The following TENM2 variants were observed in gnomAD, a reference collection of about 807,000 sequenced individuals.
The protein encoded by TENM2 is teneurin transmembrane protein 2, also known as teneurin-2.
A neutral mutation model predicts 245.2 loss-of-function variants in TENM2; 52 were observed. That is an observed-to-expected ratio of 0.21 (90% CI 0.17 to 0.27). The LOEUF is 0.27. Ranked by LOEUF, TENM2 falls within the 10% of genes least tolerant of loss-of-function variation. TENM2 has a pLI of 1.00. For missense variants in TENM2, 3,046 were observed against 3,666.8 expected (o/e 0.83, Z 4.37); for synonymous variants, 1,363 against 1,438.9 (o/e 0.95, Z 1.19).
intron 2 of TENM2, among the ~76,000 whole-genome samples, chr5:167,675,077 A>G (rs1430150088): frequency 1.3e-5 from 2 of 152,132 alleles, no homozygotes; most frequent in African/African-American, 4.8e-5. Flanking sequence ...AAAGAAACAC[A>G]TCACCCCAGG....
intron 15 of TENM2, 126 bp downstream of exon 17, chr5:168,195,421 C>G: frequency 1.8e-6 from 2 of 1,100,786 alleles, no homozygotes; most frequent in Non-Finnish European, 2.6e-6. Context: ...AGGCCTGTCC[C>G]CTAGTGAGGA....
chr5:167,637,844 G>C (rs1230084029), intron 2 of TENM2, among the ~76,000 whole-genome samples: 1 of 151,924 alleles, frequency 6.6e-6, no homozygotes, highest in Non-Finnish European at 1.5e-5. Context: ...GAAAGCATTA[G>C]GACAAATACC....
intron 2 of TENM2, among the ~76,000 whole-genome samples, chr5:167,587,848 T>C (rs1775609258): frequency 6.6e-6 from 1 of 152,242 alleles, no homozygotes; most frequent in Non-Finnish European, 1.5e-5. Context: ...CCTTTTTATA[T>C]GTCAGAAAGC....
intron 5 of TENM2, among the ~76,000 whole-genome samples, chr5:168,009,824 G>A (rs1473049493): frequency 6.6e-6 from 1 of 152,184 alleles, no homozygotes; most frequent in Non-Finnish European, 1.5e-5. Flanking sequence ...AGAGTGGCAG[G>A]AGCTAAGGCT....
At chr5:167,070,132 T>TATTTATTTATTTATTTATTTA in the TENM2 span, among the ~76,000 whole-genome samples, 61 of 150,306 alleles carry the variant, frequency 4.1e-4, no homozygotes, top group South Asian at 6.3e-4. Flanking sequence ...TTTATTTATT[T>TATTTATTTATTTATTTATTTA]TTTGAGACAG....
At chr5:167,843,373 A>G (rs1200737120) in intron 2 of TENM2, among the ~76,000 whole-genome samples, 1 of 152,228 alleles carries the variant, frequency 6.6e-6, no homozygotes, top group African/African-American at 2.4e-5. Flanking sequence ...TGTGTCTTAC[A>G]TATACATAGT....
At chr5:167,658,979 T>C (rs1755029672) in intron 2 of TENM2, among the ~76,000 whole-genome samples, 1 of 152,224 alleles carries the variant, frequency 6.6e-6, no homozygotes, top group Non-Finnish European at 1.5e-5. Context: ...AATAAAGCCA[T>C]TCTATACATG....
At chr5:167,386,872 C>T (rs1320868604) in intron 2 of TENM2, among the ~76,000 whole-genome samples, 7 of 151,976 alleles carry the variant, frequency 4.6e-5, no homozygotes, top group African/African-American at 1.7e-4. Flanking sequence ...TTTTATATAC[C>T]TATTTTTATA....
intron 12 of TENM2, among the ~76,000 whole-genome samples, chr5:168,144,212 G>T (rs1392973360): frequency 6.6e-6 from 1 of 151,662 alleles, no homozygotes; most frequent in Non-Finnish European, 1.5e-5. Context: ...TAAGTTTTAG[G>T]GTACATGTGC....
intron 2 of TENM2, among the ~76,000 whole-genome samples, chr5:167,657,232 G>A (rs538654620): frequency 7.2e-5 from 11 of 152,250 alleles, no homozygotes; most frequent in African/African-American, 2.2e-4. Context: ...GGAATGCGAC[G>A]TTTAACTTTC....
the TENM2 span, among the ~76,000 whole-genome samples, chr5:167,022,123 T>C: frequency 6.6e-6 from 1 of 152,222 alleles, no homozygotes; most frequent in Non-Finnish European, 1.5e-5. Context: ...AACTTACCTC[T>C]GTAAGTTAGA....
chr5:167,776,933 CA>C (rs1349028635), intron 2 of TENM2, among the ~76,000 whole-genome samples: 2 of 152,122 alleles, frequency 1.3e-5, no homozygotes, highest in African/African-American at 4.8e-5. Flanking sequence ...AATTTGCATG[CA>C]TTGAATGTTT....
intron 3 of TENM2, among the ~76,000 whole-genome samples, chr5:167,885,534 C>T (rs914374151): frequency 3.3e-5 from 5 of 152,088 alleles, no homozygotes; most frequent in Non-Finnish European, 7.3e-5. Flanking sequence ...AACCCAAGCA[C>T]GAGGCCACTC....
At chr5:167,443,832 C>T (rs1765002225) in intron 2 of TENM2, among the ~76,000 whole-genome samples, 1 of 152,038 alleles carries the variant, frequency 6.6e-6, no homozygotes. Flanking sequence ...CACAGTAACT[C>T]TTTAACTTTT....
chr5:168,136,382 A>G (rs1370354322), intron 12 of TENM2, among the ~76,000 whole-genome samples: 1 of 152,128 alleles, frequency 6.6e-6, no homozygotes, highest in Non-Finnish European at 1.5e-5. Flanking sequence ...ATCTGATTTT[A>G]CAAGCTTAGT....
chr5:167,828,053 G>C (rs7725488), intron 2 of TENM2, among the ~76,000 whole-genome samples: 12,059 of 152,180 alleles, frequency 0.079, 572 homozygotes, highest in African/African-American at 0.12. Flanking sequence ...CATTTATTTT[G>C]CAACCACTTC....
the TENM2 span, among the ~76,000 whole-genome samples, chr5:167,261,446 C>T: frequency 1.6e-4 from 25 of 152,218 alleles, no homozygotes; most frequent in East Asian, 7.7e-4. Flanking sequence ...CAGATTCTGA[C>T]GCAAAGTAAC....
intron 24 of TENM2, among the ~76,000 whole-genome samples, chr5:168,227,588 T>C (rs977936544): frequency 9.9e-5 from 15 of 151,506 alleles, no homozygotes; most frequent in African/African-American, 3.6e-4. Context: ...TTGACACAAA[T>C]TGTGTAGGCA....
At chr5:168,205,532 G>A (rs1762285571) in intron 19 of TENM2, among the ~76,000 whole-genome samples, 1 of 152,202 alleles carries the variant, frequency 6.6e-6, no homozygotes, top group Non-Finnish European at 1.5e-5. Flanking sequence ...GAATTAGTTG[G>A]AGAAACCTCT....
Sources: allele counts gnomAD v4.1 joint callset (sites outside exome capture counted in the v4.1 genomes callset), GRCh38; gene constraint gnomAD v4.1.1; transcripts MANE v1.5; gene names NCBI Gene and HGNC (gene_info 2026-07-23, HGNC 2026-07-21).